Variants in PPME1 observed in about 807,000 individuals in gnomAD.
PPME1 encodes testicular secretory protein Li 39.
PPME1 carries 17 observed loss-of-function variants against 56.9 expected under a neutral mutation model. The ratio of observed to expected loss-of-function variants is 0.30; its 90% CI spans 0.20 to 0.45. PPME1 has a LOEUF of 0.45. Ranked by LOEUF, PPME1 falls within the 20% of genes least tolerant of loss-of-function variation. PPME1 has a pLI of 1.00. For synonymous variants in PPME1, 122 were observed against 156.2 expected (o/e 0.78, Z 1.63); for missense variants, 357 against 483.2 (o/e 0.74, Z 2.45).
At chr11:74,197,590 A>G (rs1858020727) in intron 1 of PPME1, among the ~76,000 whole-genome samples, 1 of 152,230 alleles carries the variant, frequency 6.6e-6, no homozygotes. Flanking sequence ...ACAGAACTGA[A>G]GTGACTGCCC....
At chr11:74,184,876 T>C (rs776935531) in intron 1 of PPME1, among the ~76,000 whole-genome samples, 2 of 152,100 alleles carry the variant, frequency 1.3e-5, no homozygotes, top group Non-Finnish European at 2.9e-5. Flanking sequence ...ACTCAAAATG[T>C]CTCTTCAATT....
At chr11:74,241,212 A>G (rs1023062253) in intron 9 of PPME1, among the ~76,000 whole-genome samples, 1 of 152,228 alleles carries the variant, frequency 6.6e-6, no homozygotes, top group Non-Finnish European at 1.5e-5. Context: ...TAATCTGGAC[A>G]TTAAATATAG....
At chr11:74,237,275 CTT>C (rs763251745) in intron 8 of PPME1, among the ~76,000 whole-genome samples, 17 of 127,970 alleles carry the variant, frequency 1.3e-4, no homozygotes, top group Admixed American at 3.1e-4. Context: ...GTCTGGTTGT[CTT>C]TTTTTTTTTT....
At chr11:74,181,232 T>C in intron 1 of PPME1, among the ~76,000 whole-genome samples, 1 of 151,294 alleles carries the variant, frequency 6.6e-6, no homozygotes, top group Non-Finnish European at 1.5e-5. Flanking sequence ...GTATTTTTAG[T>C]AGAGACGGGG....
chr11:74,240,567 A>G (rs1444701401), intron 9 of PPME1, among the ~76,000 whole-genome samples: 2 of 152,240 alleles, frequency 1.3e-5, no homozygotes, highest in Non-Finnish European at 2.9e-5. Flanking sequence ...GCTGTTAGCA[A>G]GAAGGAGAAT....
intron 3 of PPME1, among the ~76,000 whole-genome samples, chr11:74,218,679 G>T (rs762360375): frequency 1.3e-5 from 2 of 152,080 alleles, no homozygotes; most frequent in Non-Finnish European, 2.9e-5. Context: ...AAATCATGCT[G>T]GGAAAACTGG....
At chr11:74,197,034 G>A (rs1384407567) in intron 1 of PPME1, among the ~76,000 whole-genome samples, 1 of 152,122 alleles carries the variant, frequency 6.6e-6, no homozygotes, top group Non-Finnish European at 1.5e-5. Context: ...GAGTGGCCTG[G>A]TTCAAATGCC....
At position 74,204,366 on chromosome 11, in the gene PPME1, A is replaced by G. The variant is rs1292554959; in HGVS notation, c.209A>G (p.Tyr70Cys). 1 of 1,612,380 alleles carries G rather than the reference A, an allele frequency of 6.2e-7. No individual in the cohort carries two copies. The highest frequency in any genetic ancestry group is 8.5e-7 in the Non-Finnish European group (1 of 1,178,616). The change falls in exon 3 of 14, where the codon TAC (tyrosine) becomes TGC (cysteine). Residue 70 changes from tyrosine to cysteine, a missense_variant. Physicochemically the swap from Tyr to Cys is radical, Grantham distance 194. Around this residue, in one of 2 missense-constraint regions of PPME1, gnomAD observed 175 missense variants for 189.4 expected, o/e 0.92. Coordinates refer to ENST00000328257, the MANE Select transcript of PPME1 (RefSeq NM_016147.3). Reference sequence around the variant, plus strand: ...AACTATTCATACACTTTTCGAGTCTACAAGAGTGGTTCAGAGGGTCCAGTC... The same window carrying G: ...AACTATTCATACACTTTTCGAGTCTGCAAGAGTGGTTCAGAGGGTCCAGTC... ...NETGKDTFRV[Y>C]KSGSEGPVLL...
chr11:74,203,784 T>C lies in PPME1; in HGVS notation c.158T>C (p.Met53Thr), dbSNP rs1858244874. The change falls in exon 2 of 14, where the codon ATG becomes ACG. Residue 53 changes from methionine (M) to threonine (T), a missense_variant. Met to Thr is a moderately conservative substitution (Grantham distance 81). Transcript: ENST00000328257. ...PVPWSQYFES[M>T]EDVEVENETG... ...CCTTGGAGTCAGTATTTTGAGTCCA[T>C]GGAAGATGTAGAAGTAGAGAATGAA... 1.2e-6 allele frequency: 2 copies of C among 1,612,402 alleles called. No individual in the cohort carries two copies. Among genetic ancestry groups the C allele is most frequent in the African/African-American group, 2.7e-5 (2 of 74,862 alleles).
At chr11:74,176,265 C>G (rs1857397809) in intron 1 of PPME1, among the ~76,000 whole-genome samples, 1 of 152,118 alleles carries the variant, frequency 6.6e-6, no homozygotes, top group South Asian at 2.1e-4. Flanking sequence ...TTATTCATAT[C>G]TGATTAGATA....
intron 3 of PPME1, among the ~76,000 whole-genome samples, chr11:74,209,583 T>C (rs1020648270): frequency 7.9e-5 from 12 of 152,268 alleles, no homozygotes; most frequent in African/African-American, 2.9e-4. Context: ...AGTACCACTG[T>C]TTCAGGCAAT....
At chr11:74,223,100 A>G (rs1437551731) in intron 4 of PPME1, among the ~76,000 whole-genome samples, 1 of 64,496 alleles carries the variant, frequency 1.6e-5, no homozygotes, top group African/African-American at 5.9e-5. Flanking sequence ...CCCTTCCCCC[A>G]CCCCACCACA....
chr11:74,174,640 A>G (rs1001465156), intron 1 of PPME1, among the ~76,000 whole-genome samples: 10 of 152,136 alleles, frequency 6.6e-5, no homozygotes, highest in Non-Finnish European at 1.2e-4. Flanking sequence ...TGAGTTGGTG[A>G]TTTTTCATGA....
intron 8 of PPME1, among the ~76,000 whole-genome samples, chr11:74,236,542 A>C (rs1859195014): frequency 6.6e-6 from 1 of 152,228 alleles, no homozygotes; most frequent in Non-Finnish European, 1.5e-5. Flanking sequence ...AATGGCTTTG[A>C]GTGCTTACTA....
intron 13 of PPME1, chr11:74,252,696 C>A (rs500608): frequency 0.46 from 155,369 of 340,902 alleles, 39,067 homozygotes; most frequent in Admixed American, 0.59. Flanking sequence ...CTCCCACACA[C>A]GGTTTTGACA....
At chr11:74,240,312 AC>A (rs1263091423) in intron 9 of PPME1, among the ~76,000 whole-genome samples, 1 of 152,236 alleles carries the variant, frequency 6.6e-6, no homozygotes, top group African/African-American at 2.4e-5. Flanking sequence ...TTCCAAACAA[AC>A]AAAAAATGTG....
chr11:74,217,514 C>T (rs1858681539), intron 3 of PPME1, among the ~76,000 whole-genome samples: 1 of 137,750 alleles, frequency 7.3e-6, no homozygotes, highest in African/African-American at 2.8e-5. Flanking sequence ...TGCCCTCTAT[C>T]CTGGGTGACA....
intron 7 of PPME1, among the ~76,000 whole-genome samples, chr11:74,233,102 C>CT (rs930847163): frequency 6.6e-6 from 1 of 151,934 alleles, no homozygotes; most frequent in Non-Finnish European, 1.5e-5. Flanking sequence ...ATGAATCAGG[C>CT]TCAGTTCCTA....
intron 13 of PPME1, 117 bp downstream of exon 13, chr11:74,251,832 T>A: frequency 8.0e-7 from 1 of 1,243,564 alleles, no homozygotes; most frequent in South Asian, 1.2e-5. Flanking sequence ...CACCATGCCT[T>A]TCTTCCTCCT....
Sources: allele counts gnomAD v4.1 joint callset (sites outside exome capture counted in the v4.1 genomes callset), GRCh38; gene constraint gnomAD v4.1.1; regional missense constraint gnomAD v4.1.1; transcripts MANE v1.5; gene names NCBI Gene and HGNC (gene_info 2026-07-23, HGNC 2026-07-21).